DDR2: variants seen among roughly 807,000 people sequenced by gnomAD.
DDR2 encodes discoidin domain receptor tyrosine kinase 2, also known as discoidin domain-containing receptor 2.
In DDR2, 27 loss-of-function variants were observed where a neutral mutation model predicts 94.9. The observed-to-expected ratio is 0.28, with a 90% CI of 0.21 to 0.39. The LOEUF is 0.39. DDR2 is among the 10% of genes least tolerant of loss of function. The pLI, the probability that DDR2 is intolerant of heterozygous loss-of-function variation, is 1.00. For missense variants in DDR2, 783 were observed against 1,076.0 expected (o/e 0.73, Z 3.81); for synonymous variants, 382 against 377.2 (o/e 1.01, Z -0.15).
chr1:162,668,315 T>G (rs1247830341), intron 2 of DDR2, among the ~76,000 whole-genome samples: 1 of 152,196 alleles, frequency 6.6e-6, no homozygotes, highest in Non-Finnish European at 1.5e-5. Flanking sequence ...GTTAGACACA[T>G]TAGACCTTAG....
chr1:162,676,450 ATATGT>A (rs1294847603), intron 2 of DDR2, among the ~76,000 whole-genome samples: 1 of 152,186 alleles, frequency 6.6e-6, no homozygotes, highest in African/African-American at 2.4e-5. Flanking sequence ...GGAGGAGAAA[ATATGT>A]TATGTATCAT....
intron 7 of DDR2, among the ~76,000 whole-genome samples, chr1:162,757,092 G>T (rs1180778339): frequency 2.6e-5 from 4 of 152,134 alleles, no homozygotes; most frequent in Admixed American, 2.6e-4. Context: ...CTGCTCTGGG[G>T]TTCAAAGGAA....
intron 2 of DDR2, among the ~76,000 whole-genome samples, chr1:162,679,292 C>T (rs373946692): frequency 1.2e-3 from 184 of 152,012 alleles, no homozygotes; most frequent in East Asian, 7.4e-3. Flanking sequence ...TGAGAACATG[C>T]GATATTTGGT....
At chr1:162,701,072 T>TG (rs1660407428) in intron 2 of DDR2, among the ~76,000 whole-genome samples, 1 of 72,650 alleles carries the variant, frequency 1.4e-5, no homozygotes, top group Non-Finnish European at 3.5e-5. Flanking sequence ...GAAGAAGAAC[T>TG]GAAAAAAAAA....
intron 3 of DDR2, among the ~76,000 whole-genome samples, chr1:162,741,929 G>A (rs1662632323): frequency 6.6e-6 from 1 of 152,180 alleles, no homozygotes; most frequent in Non-Finnish European, 1.5e-5. Flanking sequence ...CCCTGAGAGG[G>A]CCATTTTCTT....
chr1:162,766,100 G>C (rs1489115038), intron 10 of DDR2, 37 bp downstream of exon 10: 1 of 1,605,200 alleles, frequency 6.2e-7, no homozygotes, highest in Non-Finnish European at 8.5e-7. Flanking sequence ...TTAATTTGAA[G>C]GGACTTACTG....
chr1:162,694,391 G>A (rs562756433), intron 2 of DDR2, among the ~76,000 whole-genome samples: 130 of 152,250 alleles, frequency 8.5e-4, no homozygotes, highest in African/African-American at 3.0e-3. Flanking sequence ...AGGCCCTTTA[G>A]TCTCTGGGTC....
At position 162,773,608 on chromosome 1, in the gene DDR2, AC is replaced by A; in HGVS notation, c.1856+13del. The A allele has an allele frequency of 6.2e-7, 1 of 1,613,732 alleles. No homozygotes were observed. The highest frequency in any genetic ancestry group is 1.1e-5 in the South Asian group (1 of 91,054). ...AACAAGAATGCCAGGTCTGTGGTCT[AC>A]ATTTTGAATTTTCCTTTAGGTATTT... is the stretch of plus-strand genomic sequence containing the variant. On this transcript the variant is annotated intron_variant, in intron 14 of 17. Coordinates refer to ENST00000367921, the MANE Select transcript of DDR2 (RefSeq NM_006182.4).
At chr1:162,764,771 G>A (rs563607708) in intron 9 of DDR2, among the ~76,000 whole-genome samples, 1 of 151,644 alleles carries the variant, frequency 6.6e-6, no homozygotes, top group African/African-American at 2.4e-5. Context: ...AGCTTGCAGT[G>A]GGTCGAGATT....
At chr1:162,740,302 C>G (rs1456826077) in intron 3 of DDR2, among the ~76,000 whole-genome samples, 1 of 152,182 alleles carries the variant, frequency 6.6e-6, no homozygotes, top group Non-Finnish European at 1.5e-5. Flanking sequence ...ATCCTCCCCT[C>G]AAAATGCTTG....
At chr1:162,633,136 CTT>C (rs1478719831) in intron 1 of DDR2, among the ~76,000 whole-genome samples, 1 of 152,160 alleles carries the variant, frequency 6.6e-6, no homozygotes, top group Non-Finnish European at 1.5e-5. Flanking sequence ...TGAGGGGTGG[CTT>C]CCCCCTGAGA....
chr1:162,753,754 G>A (rs1026306643), intron 4 of DDR2, among the ~76,000 whole-genome samples: 3 of 152,130 alleles, frequency 2.0e-5, no homozygotes, highest in South Asian at 4.2e-4. Context: ...TTGATTTCAG[G>A]GGTCTTGTAC....
At chr1:162,734,749 T>C (rs761829942) in intron 3 of DDR2, among the ~76,000 whole-genome samples, 1 of 152,010 alleles carries the variant, frequency 6.6e-6, no homozygotes, top group Non-Finnish European at 1.5e-5. Context: ...GCGTGCTTGG[T>C]AGAGAGCAAA....
chr1:162,691,671 T>G (rs1659968105), intron 2 of DDR2, among the ~76,000 whole-genome samples: 1 of 152,132 alleles, frequency 6.6e-6, no homozygotes, highest in Non-Finnish European at 1.5e-5. Context: ...TTCCATTGAG[T>G]AAATACTCTT....
intron 12 of DDR2, 96 bp downstream of exon 12, chr1:162,770,608 T>C: frequency 8.2e-7 from 1 of 1,220,204 alleles, no homozygotes; most frequent in Non-Finnish European, 1.2e-6. Flanking sequence ...GCATCTATTT[T>C]TAGTCTCTGC....
intron 3 of DDR2, among the ~76,000 whole-genome samples, chr1:162,728,128 CTA>C (rs1330404256): frequency 7.2e-5 from 10 of 138,594 alleles, no homozygotes; most frequent in South Asian, 4.5e-4. Flanking sequence ...TATAATCACA[CTA>C]TATATATCTA....
At chr1:162,697,025 C>G (rs534607369) in intron 2 of DDR2, among the ~76,000 whole-genome samples, 1 of 152,128 alleles carries the variant, frequency 6.6e-6, no homozygotes, top group East Asian at 1.9e-4. Flanking sequence ...GCTGAATTCC[C>G]CATTCTCATT....
At chr1:162,647,776 G>A (rs546355392) in intron 1 of DDR2, among the ~76,000 whole-genome samples, 3 of 152,332 alleles carry the variant, frequency 2.0e-5, no homozygotes, top group South Asian at 2.1e-4. Flanking sequence ...CGTCTAATGA[G>A]CAGTGAGGAT....
intron 1 of DDR2, among the ~76,000 whole-genome samples, chr1:162,651,038 A>G (rs1374206221): frequency 1.3e-5 from 2 of 152,062 alleles, no homozygotes; most frequent in South Asian, 2.1e-4. Context: ...CCCTCTCCAC[A>G]TTATTATATG....
Sources: allele counts gnomAD v4.1 joint callset (sites outside exome capture counted in the v4.1 genomes callset), GRCh38; gene constraint gnomAD v4.1.1; transcripts MANE v1.5; gene names NCBI Gene and HGNC (gene_info 2026-07-23, HGNC 2026-07-21).